The following FAM178B variants were observed in gnomAD, a reference collection of about 807,000 sequenced individuals.
The protein encoded by FAM178B is family with sequence similarity 178 member B.
In FAM178B, 82 loss-of-function variants were observed where a neutral mutation model predicts 91.7. That is an observed-to-expected ratio of 0.89 (90% CI 0.75 to 1.07). The LOEUF (loss-of-function observed/expected upper bound fraction) is 1.07, where lower values mean the gene tolerates loss of function less well. Among genes scored for constraint, FAM178B ranks in the 50% least tolerant of loss-of-function variants. The pLI is 0.00. For synonymous variants in FAM178B, 368 were observed against 359.4 expected, an observed-to-expected ratio of 1.02 and a Z score of -0.27; for missense variants, 769 against 846.7, an observed-to-expected ratio of 0.91 and a Z score of 1.14.
At chr2:96,946,316 G>A (rs750231984) in intron 8 of FAM178B, among the ~76,000 whole-genome samples, 3 of 152,272 alleles carry the variant, frequency 2.0e-5, no homozygotes, top group Non-Finnish European at 2.9e-5. Flanking sequence ...ATTCACGGGT[G>A]GACACTTGGG....
intron 9 of FAM178B, among the ~76,000 whole-genome samples, chr2:96,926,943 G>A (rs908077272): frequency 2.6e-5 from 4 of 152,330 alleles, no homozygotes; most frequent in African/African-American, 7.2e-5. Context: ...AGAGGTATCC[G>A]TTCCCCTGGA....
chr2:96,934,404 G>A (rs1401426151), intron 8 of FAM178B, among the ~76,000 whole-genome samples: 1 of 152,126 alleles, frequency 6.6e-6, no homozygotes, highest in Non-Finnish European at 1.5e-5. Flanking sequence ...GGGGGCGAGA[G>A]AGAAGCAGAT....
chr2:96,939,984 C>CA (rs1189637242), intron 8 of FAM178B, among the ~76,000 whole-genome samples: 1 of 152,176 alleles, frequency 6.6e-6, no homozygotes, highest in African/African-American at 2.4e-5. Context: ...TTACTGTTAT[C>CA]AAATTCTAAT....
At position 96,967,544 on chromosome 2, in the gene FAM178B, TC is replaced by T. The variant is rs1262061470; in HGVS notation, c.709del (p.Glu237LysfsTer48). 1.9e-6 allele frequency: 3 copies of T among 1,550,174 alleles called. No homozygotes were observed. Among genetic ancestry groups the T allele is most frequent in the Admixed American group, 3.9e-5 (2 of 50,988 alleles). On this transcript the variant is annotated frameshift_variant, in exon 5 of 17. Transcript: ENST00000490605. LOFTEE classifies it high-confidence loss of function. ...NLNSLDLDEE[E>X]VPLTPEHRML... ...CCTGTGCTCGGGTGTGAGTGGCACT[TC>T]CTCTTCATCAAGATCCAAGGAGTTG...
At chr2:96,933,365 C>T (rs2081573948) in intron 8 of FAM178B, among the ~76,000 whole-genome samples, 1 of 152,066 alleles carries the variant, frequency 6.6e-6, no homozygotes, top group South Asian at 2.1e-4. Flanking sequence ...TGGGATGGAA[C>T]TGACACTTGG....
At chr2:96,905,367 G>A (rs181454773) in intron 12 of FAM178B, among the ~76,000 whole-genome samples, 8 of 151,894 alleles carry the variant, frequency 5.3e-5, no homozygotes, top group Admixed American at 4.6e-4. Context: ...AGACCAGCTG[G>A]GCCAACATGC....
intron 9 of FAM178B, among the ~76,000 whole-genome samples, chr2:96,925,783 C>T (rs191921332): frequency 1.6e-4 from 24 of 152,280 alleles, no homozygotes; most frequent in East Asian, 3.9e-4. Context: ...CCCAGGTCTC[C>T]GCATCTTCTT....
At chr2:96,956,837 G>A (rs1470761654) in intron 6 of FAM178B, 1 of 152,202 alleles carries the variant, frequency 6.6e-6, no homozygotes, top group Non-Finnish European at 1.5e-5. Flanking sequence ...CTTTGTGTAT[G>A]GAATTGGACT....
intron 13 of FAM178B, among the ~76,000 whole-genome samples, chr2:96,901,521 C>T (rs1470200036): frequency 1.3e-5 from 2 of 152,144 alleles, no homozygotes; most frequent in Non-Finnish European, 2.9e-5. Context: ...AATACCTAAC[C>T]CTGGGGACTG....
intron 6 of FAM178B, among the ~76,000 whole-genome samples, chr2:96,957,675 C>T (rs988712784): frequency 2.0e-5 from 3 of 152,212 alleles, no homozygotes; most frequent in East Asian, 1.9e-4. Context: ...CCCAGGAAGA[C>T]GCCTTCCTTT....
At chr2:96,966,022 C>A (rs1559101226) in intron 5 of FAM178B, among the ~76,000 whole-genome samples, 1 of 152,094 alleles carries the variant, frequency 6.6e-6, no homozygotes, top group African/African-American at 2.4e-5. Context: ...CTGGCCTCCA[C>A]ACCTAACTGG....
chr2:96,924,370 G>A (rs2081398731), intron 9 of FAM178B, among the ~76,000 whole-genome samples: 1 of 152,208 alleles, frequency 6.6e-6, no homozygotes, highest in Admixed American at 6.5e-5. Context: ...CCCTCCAAAG[G>A]TGTCACCCTG....
chr2:96,961,370 C>T (rs1355998898), intron 5 of FAM178B, among the ~76,000 whole-genome samples: 1 of 151,712 alleles, frequency 6.6e-6, no homozygotes, highest in East Asian at 1.9e-4. Flanking sequence ...CACATATGCA[C>T]GGACACAGAC....
chr2:96,915,825 G>GA (rs1287911538), intron 12 of FAM178B, among the ~76,000 whole-genome samples: 1 of 150,136 alleles, frequency 6.7e-6, no homozygotes, highest in Non-Finnish European at 1.5e-5. Flanking sequence ...AAAAGAAAAA[G>GA]AAAAAAAGAA....
Position 96,947,817 on chromosome 2 carries a change from C to T in FAM178B, c.1078+1G>A. On this transcript the variant is annotated splice_donor_variant, in intron 8 of 16. Coordinates refer to ENST00000490605, the MANE Select transcript of FAM178B (RefSeq NM_001122646.3). LOFTEE classifies it high-confidence loss of function. The stretch of plus-strand genomic sequence containing the variant: ...TCTCCACCCTGCATCCCAGTACTGA[C>T]CAGGCTGAAGGAAGATTCCATCCAC... 1 of 1,533,482 alleles carries T rather than the reference C, an allele frequency of 6.5e-7. No individual in the cohort carries two copies. The allele number at this position is 1,533,482 out of a possible 1,614,324, so 95.0% of individuals were successfully genotyped here.
At chr2:96,974,226 C>T (rs1405336858) in intron 1 of FAM178B, among the ~76,000 whole-genome samples, 2 of 148,544 alleles carry the variant, frequency 1.3e-5, no homozygotes, top group African/African-American at 2.5e-5. Context: ...ACTAAAAATA[C>T]AAAAAATTAG....
chr2:96,917,115 C>T (rs543521404), intron 12 of FAM178B, among the ~76,000 whole-genome samples: 7 of 152,258 alleles, frequency 4.6e-5, no homozygotes, highest in South Asian at 2.1e-4. Flanking sequence ...TACGTGCACA[C>T]GCAGACAGAG....
At chr2:96,915,462 T>C (rs755511521) in intron 12 of FAM178B, among the ~76,000 whole-genome samples, 3 of 151,862 alleles carry the variant, frequency 2.0e-5, no homozygotes, top group East Asian at 3.9e-4. Context: ...TTCTGGCTAA[T>C]TGGTGAGAAC....
chr2:96,942,742 T>A (rs1451838674), intron 8 of FAM178B, among the ~76,000 whole-genome samples: 1 of 152,180 alleles, frequency 6.6e-6, no homozygotes, highest in Admixed American at 6.5e-5. Flanking sequence ...TTCCCAACTT[T>A]AAAACTTACT....
Sources: allele counts gnomAD v4.1 joint callset (sites outside exome capture counted in the v4.1 genomes callset), GRCh38; gene constraint gnomAD v4.1.1; transcripts MANE v1.5; gene names NCBI Gene and HGNC (gene_info 2026-07-23, HGNC 2026-07-21).